The following BANK1 variants were observed in gnomAD, a reference collection of about 807,000 sequenced individuals.
BANK1 encodes B-cell scaffold protein with ankyrin repeats.
BANK1 carries 95 observed loss-of-function variants against 94.5 expected under a neutral mutation model. The ratio of observed to expected loss-of-function variants is 1.00; its 90% CI spans 0.85 to 1.19. The LOEUF (loss-of-function observed/expected upper bound fraction) is 1.19, where lower values mean the gene tolerates loss of function less well. BANK1 is among the 50% of genes most tolerant of loss of function. The pLI is 0.00. For synonymous variants in BANK1, 334 were observed against 308.4 expected (o/e 1.08, Z -0.87); for missense variants, 987 against 932.2 (o/e 1.06, Z -0.77).
At chr4:101,798,470 A>G (rs1056936073) in intron 1 of BANK1, among the ~76,000 whole-genome samples, 5 of 151,282 alleles carry the variant, frequency 3.3e-5, no homozygotes, top group African/African-American at 9.7e-5. Flanking sequence ...AGATTTTCTT[A>G]TGTGTTTAAG....
intron 7 of BANK1, among the ~76,000 whole-genome samples, chr4:101,934,702 T>G (rs923922788): frequency 4.6e-5 from 7 of 151,444 alleles, no homozygotes; most frequent in African/African-American, 1.7e-4. Flanking sequence ...CTGTAAACTA[T>G]CAGAACAATT....
chr4:102,041,131 C>G (rs1363956823), intron 10 of BANK1, among the ~76,000 whole-genome samples: 1 of 152,036 alleles, frequency 6.6e-6, no homozygotes, highest in Non-Finnish European at 1.5e-5. Flanking sequence ...AGTTCTCACC[C>G]TGTTATGGAT....
chr4:101,813,941 A>T (rs1240823850), intron 1 of BANK1: 1 of 960,276 alleles, frequency 1.0e-6, no homozygotes, highest in African/African-American at 1.8e-5. Context: ...TTGTTTTGGT[A>T]TGTATATATC....
intron 7 of BANK1, among the ~76,000 whole-genome samples, chr4:101,940,660 CCCA>C (rs1723711439): frequency 6.6e-6 from 1 of 151,680 alleles, no homozygotes; most frequent in Non-Finnish European, 1.5e-5. Flanking sequence ...CAGAACGTCC[CCCA>C]AGAGGGACTT....
intron 4 of BANK1, 95 bp from the exon 5 acceptor site, chr4:101,870,410 A>G: frequency 5.9e-6 from 7 of 1,184,754 alleles, no homozygotes; most frequent in Non-Finnish European, 7.8e-6. Context: ...AAGTGTTATG[A>G]ATTTTTAAAG....
intron 15 of BANK1, among the ~76,000 whole-genome samples, chr4:102,073,360 C>T (rs1051470149): frequency 2.6e-5 from 4 of 151,754 alleles, no homozygotes; most frequent in African/African-American, 9.7e-5. Context: ...ACCAAAGATT[C>T]TTCTATAAGA....
intron 1 of BANK1, among the ~76,000 whole-genome samples, chr4:101,815,986 TTA>T (rs762556711): frequency 1.9e-4 from 29 of 152,182 alleles, no homozygotes; most frequent in Non-Finnish European, 2.9e-4. Context: ...TTTTATGTAA[TTA>T]TATGTTTTTT....
intron 6 of BANK1, among the ~76,000 whole-genome samples, chr4:101,898,520 T>G (rs1333258026): frequency 6.6e-6 from 1 of 152,034 alleles, no homozygotes; most frequent in African/African-American, 2.4e-5. Flanking sequence ...GTATGTTAGC[T>G]ATGGGAAATT....
rs1440308602 is a variant in BANK1, at chr4:101,810,852, C to T, written c.71-18956C>T. ...TATAAAGCATCAGAACATTCATTAG[C>T]ATATATTAGGCATTTACTGCATTTT... On this transcript the variant is annotated intron_variant, in intron 1 of 16. Coordinates refer to ENST00000322953, the MANE Select transcript of BANK1 (RefSeq NM_017935.5). Among the ~76,000 whole-genome samples, 3 of 152,100 alleles carry T rather than the reference C, an allele frequency of 2.0e-5. No homozygotes were observed. The East Asian group carries it at 5.8e-4, about 29-fold the overall frequency.
At chr4:102,012,878 C>A (rs1452524065) in intron 7 of BANK1, among the ~76,000 whole-genome samples, 2 of 152,034 alleles carry the variant, frequency 1.3e-5, no homozygotes, top group Non-Finnish European at 2.9e-5. Context: ...AACCTGGGTT[C>A]CTGTTCACTA....
At chr4:101,888,521 G>T (rs1423648895) in intron 5 of BANK1, among the ~76,000 whole-genome samples, 1 of 152,064 alleles carries the variant, frequency 6.6e-6, no homozygotes, top group Non-Finnish European at 1.5e-5. Context: ...TACTATTTCA[G>T]ATTTTATCCT....
chr4:102,043,855 A>G lies in BANK1; in HGVS notation c.1917A>G (p.Thr639=). The part of the protein sequence containing the change: ...PYIAQVFQQK[T]ARRQSDDDKF... ...TTTTTACAGTGTTTCAACAAAAGAC[A>G]GCCAGAAGACAATCTGATGATGACA... The change falls in exon 11 of 17, where the codon ACA becomes ACG. Residue 639 remains threonine (T), a synonymous_variant. Transcript: ENST00000322953. 2 of 1,602,860 alleles carry G rather than the reference A, an allele frequency of 1.2e-6. No individual in the cohort carries two copies. Among genetic ancestry groups the G allele is most frequent in the Non-Finnish European group, 1.7e-6 (2 of 1,171,282 alleles).
At position 102,021,503 on chromosome 4, in the gene BANK1, A is replaced by AT. The variant is rs761392681; in HGVS notation, c.1207-4dup. 4.6e-5 allele frequency: 60 copies of AT among 1,317,166 alleles called. No individual in the cohort carries two copies. The African/African-American group carries it at 7.1e-4, about 16-fold the overall frequency. 81.6% of individuals were successfully genotyped at this position (1,317,166 alleles called of 1,614,324 possible). A position where few individuals can be genotyped will look rare whatever the true frequency, so the allele number is the denominator to read the frequency against. On this transcript the variant is annotated splice_polypyrimidine_tract_variant and intron_variant, in intron 7 of 16. Coordinates refer to ENST00000322953, the MANE Select transcript of BANK1 (RefSeq NM_017935.5). Reference sequence around the variant, plus strand: ...ATTAATGCATATTATTAAAAATTACATTTTTTTCAGATCCAAGAAATTGAC... The same window carrying AT: ...ATTAATGCATATTATTAAAAATTACATTTTTTTTCAGATCCAAGAAATTGAC...
chr4:101,801,304 A>G (rs1725348244), intron 1 of BANK1, among the ~76,000 whole-genome samples: 1 of 152,222 alleles, frequency 6.6e-6, no homozygotes, highest in South Asian at 2.1e-4. Flanking sequence ...ATGAAATAAA[A>G]TTAGTATTAT....
At chr4:101,826,874 G>T (rs908207832) in intron 1 of BANK1, among the ~76,000 whole-genome samples, 1 of 151,894 alleles carries the variant, frequency 6.6e-6, no homozygotes, top group Non-Finnish European at 1.5e-5. Flanking sequence ...TGCCCTCAGA[G>T]ATAATATTTA....
chr4:101,902,071 A>T (rs191650966), intron 6 of BANK1, among the ~76,000 whole-genome samples: 2 of 152,244 alleles, frequency 1.3e-5, no homozygotes, highest in Non-Finnish European at 2.9e-5. Flanking sequence ...ATCTCCAGCC[A>T]ATTTTACACC....
chr4:101,973,789 T>C (rs74890902), intron 7 of BANK1, among the ~76,000 whole-genome samples: 1 of 152,056 alleles, frequency 6.6e-6, no homozygotes, highest in Non-Finnish European at 1.5e-5. Context: ...CTTTTGCATA[T>C]AAAACATTTC....
intron 5 of BANK1, among the ~76,000 whole-genome samples, chr4:101,872,887 T>C (rs1480353623): frequency 6.6e-6 from 1 of 151,818 alleles, no homozygotes; most frequent in Non-Finnish European, 1.5e-5. Flanking sequence ...ACTCAGGTGC[T>C]TGAGGCAAGA....
At chr4:102,073,546 T>C (rs1269618369) in intron 15 of BANK1, 138 bp from the exon 16 acceptor site, 1 of 665,550 alleles carries the variant, frequency 1.5e-6, no homozygotes, top group Non-Finnish European at 2.5e-6. Context: ...AAATGGAAGA[T>C]TGTCTTGCCA....
Sources: gnomAD v4.1 joint callset for allele counts (sites outside exome capture counted in the v4.1 genomes callset) on GRCh38, gnomAD v4.1.1 for gene constraint, MANE v1.5 for transcripts, NCBI Gene and HGNC (gene_info 2026-07-23, HGNC 2026-07-21) for gene names.